Variants in WDR83OS observed in about 807,000 individuals in gnomAD.
WDR83OS encodes the protein WD repeat domain 83 opposite strand.
WDR83OS carries 15 observed loss-of-function variants against 13.7 expected under a neutral mutation model. The ratio of observed to expected loss-of-function variants is 1.09; its 90% CI spans 0.73 to 1.69. WDR83OS has a LOEUF of 1.69. WDR83OS is among the 40% of genes most tolerant of loss of function. The probability of loss-of-function intolerance (pLI) is 0.00; values close to 1 mark genes in which losing one functional copy is unlikely to be tolerated. For synonymous variants in WDR83OS, 68 were observed against 52.9 expected (o/e 1.29, Z -1.24); for missense variants, 145 against 143.2 (o/e 1.01, Z -0.06).
chr19:12,668,217 G>C lies in WDR83OS; in HGVS notation c.*142C>G. ...TAGGGTGTTCCCTAGGAAAGGGCCAGGTTCCCTCTATCCAGCTGGGGGCAC... is the reference window on the plus strand; with the variant it reads ...TAGGGTGTTCCCTAGGAAAGGGCCACGTTCCCTCTATCCAGCTGGGGGCAC... On this transcript the variant is annotated 3_prime_UTR_variant, in exon 4 of 4. Transcript: ENST00000596731. 2 of 826,956 alleles carry C rather than the reference G, an allele frequency of 2.4e-6. No individual in the cohort carries two copies. Among genetic ancestry groups the C allele is most frequent in the Non-Finnish European group, 3.8e-6 (2 of 526,140 alleles). 51.2% of individuals were successfully genotyped at this position (826,956 alleles called of 1,614,324 possible). A position where few individuals can be genotyped will look rare whatever the true frequency, so the allele number is the denominator to read the frequency against.
chr19:12,669,039 A>T, intron 2 of WDR83OS, 89 bp downstream of exon 2: 1 of 1,364,230 alleles, frequency 7.3e-7, no homozygotes, highest in Non-Finnish European at 1.0e-6. Flanking sequence ...CCCCATCAGC[A>T]ATGACAAGAC....
Position 12,669,411 on chromosome 19 carries a change from C to G in WDR83OS, c.-8G>C, listed in dbSNP as rs370776233. On this transcript the variant is annotated 5_prime_UTR_variant, in exon 1 of 4. Coordinates refer to ENST00000596731, the MANE Select transcript of WDR83OS (RefSeq NM_016145.4). ...CATATTGTTAGTGGACATAGCGAGT[C>G]GAAGGCCAGATCACGCCTCTTCCGC... 2.5e-6 allele frequency: 4 copies of G among 1,592,070 alleles called. No homozygotes were observed. Among genetic ancestry groups the G allele is most frequent in the Non-Finnish European group, 3.4e-6 (4 of 1,168,530 alleles).
intron 3 of WDR83OS, 44 bp from the exon 4 acceptor site, chr19:12,668,469 G>A (rs1371049688): frequency 1.2e-6 from 2 of 1,613,300 alleles, no homozygotes; most frequent in East Asian, 2.2e-5. Flanking sequence ...CCAGGCTGGG[G>A]TCCCCCCACC....
chr19:12,668,799 C>T (rs2024328114), intron 2 of WDR83OS, among the ~76,000 whole-genome samples, 182 bp from the exon 3 acceptor site: 1 of 152,180 alleles, frequency 6.6e-6, no homozygotes, highest in Non-Finnish European at 1.5e-5. Flanking sequence ...GTTTCTAGTC[C>T]TACTGTCTGG....
chr19:12,669,383 C>G lies in WDR83OS; in HGVS notation c.21G>C (p.Ser7=), dbSNP rs745564455. 6.2e-7 allele frequency: 1 copy of G among 1,601,158 alleles called. No homozygotes were observed. Among genetic ancestry groups the G allele is most frequent in the Non-Finnish European group, 8.5e-7 (1 of 1,173,386 alleles). Reference sequence around the variant, plus strand: ...GCACTTTGTTCGGCCTCCGTGGGTCCGACATATTGTTAGTGGACATAGCGA... The same window carrying G: ...GCACTTTGTTCGGCCTCCGTGGGTCGGACATATTGTTAGTGGACATAGCGA... The part of the protein sequence containing the change: MSTNNM[S]DPRRPNKVLR... Residue 7 remains serine, a synonymous_variant, in exon 1 of 4, where the codon TCG becomes TCC. Coordinates refer to ENST00000596731, the MANE Select transcript of WDR83OS (RefSeq NM_016145.4).
chr19:12,668,682 T>C (rs1229186048), intron 2 of WDR83OS, 65 bp from the exon 3 acceptor site: 1 of 1,351,066 alleles, frequency 7.4e-7, no homozygotes, highest in Admixed American at 1.8e-5. Flanking sequence ...CGAAGCCACC[T>C]TTCCAGACAC....
Position 12,669,336 on chromosome 19 carries a change from C to G in WDR83OS, c.50+18G>C. ...CACCCACAACCCGAACCCGTGCCCACGACGCTGGGGTCCTCACCTCAGCAC... is the reference window on the plus strand; with the variant it reads ...CACCCACAACCCGAACCCGTGCCCAGGACGCTGGGGTCCTCACCTCAGCAC... On this transcript the variant is annotated intron_variant, in intron 1 of 3. Transcript: ENST00000596731. 6.2e-7 allele frequency: 1 copy of G among 1,605,210 alleles called. No individual in the cohort carries two copies. Among genetic ancestry groups the G allele is most frequent in the Middle Eastern group, 1.7e-4 (1 of 6,050 alleles).
In WDR83OS at chr19:12,668,345, C is replaced by G. The variant is rs753359475; in HGVS notation, c.*14G>C. 7 of 1,608,110 alleles carry G rather than the reference C, an allele frequency of 4.4e-6. No homozygotes were observed. In the Admixed American group the frequency reaches 6.8e-5, roughly 16 times the overall value. ...GATAGACAGGGTCCAAAATGTGACC[C>G]TTCTAGGCTGGTATCACCATGGGGG... On this transcript the variant is annotated 3_prime_UTR_variant, in exon 4 of 4. Coordinates refer to ENST00000596731, the MANE Select transcript of WDR83OS (RefSeq NM_016145.4).
intron 1 of WDR83OS, 49 bp downstream of exon 1, chr19:12,669,305 G>A (rs930679814): frequency 1.2e-6 from 2 of 1,606,098 alleles, no homozygotes; most frequent in East Asian, 4.5e-5. Context: ...CCAGGGCCCC[G>A]ATCCACACCC....
At chr19:12,669,315 C>A in intron 1 of WDR83OS, 39 bp downstream of exon 1, 1 of 1,606,142 alleles carries the variant, frequency 6.2e-7, no homozygotes, top group Non-Finnish European at 8.5e-7. Flanking sequence ...GATCCACACC[C>A]ACAACCCGAA....
intron 2 of WDR83OS, 28 bp downstream of exon 2, chr19:12,669,100 A>G: frequency 2.5e-6 from 4 of 1,608,312 alleles, no homozygotes; most frequent in Non-Finnish European, 3.4e-6. Flanking sequence ...AGGTCCAACT[A>G]CACCCATAGA....
intron 2 of WDR83OS, 98 bp downstream of exon 2, chr19:12,669,030 C>T: frequency 7.9e-7 from 1 of 1,265,036 alleles, no homozygotes; most frequent in Non-Finnish European, 1.1e-6. Context: ...CAGGTCCCGC[C>T]CCATCAGCAA....
intron 2 of WDR83OS, 138 bp downstream of exon 2, chr19:12,668,990 C>G (rs1460337032): frequency 2.3e-6 from 2 of 855,726 alleles, no homozygotes; most frequent in Admixed American, 4.2e-5. Flanking sequence ...CTCGGCCCAG[C>G]GTCATCGCAG....
In WDR83OS at chr19:12,668,243, C is replaced by T. The variant is rs527275748; in HGVS notation, c.*116G>A. ...GTTCCCTCTATCCAGCTGGGGGCAC[C>T]GAGACGGCCTCATTCAGGGAAGTCC... On this transcript the variant is annotated 3_prime_UTR_variant, in exon 4 of 4. Transcript: ENST00000596731. 44 of 1,107,378 alleles carry T rather than the reference C, an allele frequency of 4.0e-5. No individual in the cohort carries two copies. The East Asian group carries it at 1.1e-3, about 27-fold the overall frequency. 68.6% of individuals were successfully genotyped at this position (1,107,378 alleles called of 1,614,324 possible).
At chr19:12,668,453 G>C in intron 3 of WDR83OS, 28 bp from the exon 4 acceptor site, 4 of 1,613,244 alleles carry the variant, frequency 2.5e-6, no homozygotes, top group Non-Finnish European at 3.4e-6. Flanking sequence ...TGTCAGTCTA[G>C]GATGGCCAGG....
intron 2 of WDR83OS, 51 bp from the exon 3 acceptor site, chr19:12,668,668 TC>T: frequency 1.3e-6 from 2 of 1,488,670 alleles, no homozygotes. Context: ...CAACAATGAG[TC>T]CCCGAAGCCA....
chr19:12,668,470 T>TC (rs2024318118), intron 3 of WDR83OS, 45 bp from the exon 4 acceptor site: 1 of 1,612,488 alleles, frequency 6.2e-7, no homozygotes, highest in Non-Finnish European at 8.5e-7. Flanking sequence ...CAGGCTGGGG[T>TC]CCCCCCACCC....
intron 2 of WDR83OS, 124 bp downstream of exon 2, chr19:12,669,004 C>G (rs2024332503): frequency 1.0e-5 from 10 of 975,286 alleles, no homozygotes; most frequent in Non-Finnish European, 1.4e-5. Flanking sequence ...ATCGCAGCCC[C>G]ACTCCCGGCC....
rs144906540 is a variant in WDR83OS at position 12,668,596 on chromosome 19, C to T, written c.178G>A (p.Ala60Thr). ...AAGCTGATGAAGGAGCAGTAGACAG[C>T]GACCCAAGCACACCACTTCAGCTAG... ...MLKLKWCAWVAVYCSFISFAN... is the reference protein window; with the variant it reads ...MLKLKWCAWVTVYCSFISFAN... The change falls in exon 3 of 4, where the codon GCT (alanine) becomes ACT (threonine). Residue 60 changes from alanine (A) to threonine (T), a missense_variant. Transcript: ENST00000596731. The T allele has an allele frequency of 2.3e-5, 37 of 1,613,884 alleles. No homozygotes were observed. Among genetic ancestry groups the T allele is most frequent in the Non-Finnish European group, 2.9e-5 (34 of 1,179,994 alleles).
Sources: allele counts gnomAD v4.1 joint callset (sites outside exome capture counted in the v4.1 genomes callset), GRCh38; gene constraint gnomAD v4.1.1; transcripts MANE v1.5; gene names NCBI Gene and HGNC (gene_info 2026-07-23, HGNC 2026-07-21).